The following GJC1 variants were observed in gnomAD, a reference collection of about 807,000 sequenced individuals.
GJC1 encodes gap junction gamma-1 protein.
In GJC1, 5 loss-of-function variants were observed where a neutral mutation model predicts 29.3. The ratio of observed to expected loss-of-function variants is 0.17; its 90% CI spans 0.09 to 0.36. GJC1 has a LOEUF of 0.36. Among genes scored for constraint, GJC1 ranks in the 10% least tolerant of loss-of-function variants. The pLI is 1.00. For synonymous variants in GJC1, 177 were observed against 183.3 expected, an observed-to-expected ratio of 0.97 and a Z score of 0.28; for missense variants, 310 against 496.2, an observed-to-expected ratio of 0.62 and a Z score of 3.56.
chr17:44,824,555 A>T (rs2050147840), intron 1 of GJC1, among the ~76,000 whole-genome samples: 1 of 152,030 alleles, frequency 6.6e-6, no homozygotes, highest in Non-Finnish European at 1.5e-5. Flanking sequence ...CTCTAGCCTC[A>T]GCCTCCGAAA....
chr17:44,830,284 A>G lies in GJC1; in HGVS notation c.-319T>C. 1 of 157,600 alleles carries G rather than the reference A, an allele frequency of 6.3e-6. No individual in the cohort carries two copies. The highest frequency in any genetic ancestry group is 1.4e-5 in the Non-Finnish European group (1 of 73,488). The allele number at this position is 157,600 out of a possible 1,614,324, so 9.8% of individuals were successfully genotyped here. A position where few individuals can be genotyped will look rare whatever the true frequency, so the allele number is the denominator to read the frequency against. On this transcript the variant is annotated 5_prime_UTR_variant, in exon 1 of 3. Transcript: ENST00000592524. The surrounding 1 kb of genome is among the most constrained non-coding windows in gnomAD (Gnocchi z 4.3). ...GCTCCCGCCGCCGCGACCCGCGGGA[A>G]GGCGCCTGCGCACTGCGCGCTGCGG... is the stretch of plus-strand genomic sequence containing the variant.
At chr17:44,828,318 C>T (rs1198118259) in intron 1 of GJC1, among the ~76,000 whole-genome samples, 1 of 152,170 alleles carries the variant, frequency 6.6e-6, no homozygotes, top group Non-Finnish European at 1.5e-5. Flanking sequence ...TTTAAGAGAA[C>T]TGTGGTAGAA....
downstream of GJC1, among the ~76,000 whole-genome samples, chr17:44,795,515 G>C (rs1416764293): frequency 6.6e-6 from 1 of 152,178 alleles, no homozygotes; most frequent in African/African-American, 2.4e-5. Context: ...TTACTGGCGC[G>C]AGCCACCCCT....
At chr17:44,827,375 T>G (rs1333370328) in intron 1 of GJC1, among the ~76,000 whole-genome samples, 1 of 152,140 alleles carries the variant, frequency 6.6e-6, no homozygotes, top group Non-Finnish European at 1.5e-5. Flanking sequence ...TGCTTTTTCT[T>G]TGCCTAAATT....
chr17:44,811,424 T>G (rs894016795), intron 1 of GJC1, among the ~76,000 whole-genome samples: 5 of 151,046 alleles, frequency 3.3e-5, no homozygotes, highest in African/African-American at 7.3e-5. Context: ...AGTCTCTCTT[T>G]GTTATCCAGG....
intron 1 of GJC1, among the ~76,000 whole-genome samples, chr17:44,823,609 C>T (rs1375853901): frequency 1.3e-5 from 2 of 151,954 alleles, no homozygotes; most frequent in African/African-American, 2.4e-5. Flanking sequence ...CATCATATTG[C>T]CCAGGTTGGT....
chr17:44,826,257 G>A (rs1397124254), intron 1 of GJC1, among the ~76,000 whole-genome samples: 3 of 152,156 alleles, frequency 2.0e-5, no homozygotes, highest in Non-Finnish European at 4.4e-5. Flanking sequence ...TGCTGGCCGG[G>A]CACGGTGGCT....
chr17:44,825,597 A>C (rs2050164531), intron 1 of GJC1, among the ~76,000 whole-genome samples: 1 of 151,872 alleles, frequency 6.6e-6, no homozygotes, highest in African/African-American at 2.4e-5. Flanking sequence ...CAACATGGTG[A>C]AACCCTTTCT....
chr17:44,805,843 A>C lies in GJC1; in HGVS notation c.-20-6T>G, dbSNP rs993641956. The C allele has an allele frequency of 1.2e-5, 15 of 1,287,720 alleles. No homozygotes were observed. In the Admixed American group the frequency reaches 2.7e-4, roughly 23 times the overall value. 79.8% of individuals were successfully genotyped at this position (1,287,720 alleles called of 1,614,324 possible). ...GGTGATTGAATTGGTATGCCCTGAT[A>C]AAAGTGGAAAAATACCAAAATAAAA... is the stretch of plus-strand genomic sequence containing the variant. On this transcript the variant is annotated splice_region_variant and splice_polypyrimidine_tract_variant and intron_variant, in intron 2 of 2. Transcript: ENST00000592524. The surrounding 1 kb of genome is among the most constrained non-coding windows in gnomAD (Gnocchi z 5.1).
chr17:44,830,225 G>A lies in GJC1; in HGVS notation c.-260C>T. 1 of 158,348 alleles carries A rather than the reference G, an allele frequency of 6.3e-6. No individual in the cohort carries two copies. The highest frequency in any genetic ancestry group is 1.3e-5 in the Non-Finnish European group (1 of 74,138). 9.8% of individuals were successfully genotyped at this position (158,348 alleles called of 1,614,324 possible). A position where few individuals can be genotyped will look rare whatever the true frequency, so the allele number is the denominator to read the frequency against. ...TCAGTCTCCAGCCGAGGCAGAAGCC[G>A]CTCCCGCCGCTGCCGCCGCCGCCGC... On this transcript the variant is annotated 5_prime_UTR_variant, in exon 1 of 3. Transcript: ENST00000592524. The surrounding 1 kb of genome is among the most constrained non-coding windows in gnomAD (Gnocchi z 4.3).
intron 1 of GJC1, among the ~76,000 whole-genome samples, chr17:44,810,534 G>A (rs972552104): frequency 6.6e-6 from 1 of 152,170 alleles, no homozygotes; most frequent in Non-Finnish European, 1.5e-5. Context: ...GAGCCACAGA[G>A]TATGGGTACT....
At chr17:44,813,252 G>C (rs2145329459) in intron 1 of GJC1, 1 of 151,624 alleles carries the variant, frequency 6.6e-6, no homozygotes, top group Admixed American at 6.6e-5. Context: ...TAGAGATGGG[G>C]TTTCGCCCCG....
At chr17:44,822,287 T>G (rs2050119371) in intron 1 of GJC1, among the ~76,000 whole-genome samples, 1 of 146,022 alleles carries the variant, frequency 6.8e-6, no homozygotes, top group African/African-American at 2.5e-5. Context: ...ATGGGGGGAA[T>G]AAGGAGGGAG....
At chr17:44,828,605 T>G (rs1325529978) in intron 1 of GJC1, among the ~76,000 whole-genome samples, 1 of 152,172 alleles carries the variant, frequency 6.6e-6, no homozygotes, top group Non-Finnish European at 1.5e-5. Flanking sequence ...CTTTTTACCT[T>G]CTACCCAGAA....
At position 44,823,161 on chromosome 17, in the gene GJC1, A is replaced by T. The variant is rs530615056; in HGVS notation, c.-97+6901T>A. 3.3e-5 allele frequency among the ~76,000 whole-genome samples: 5 copies of T among 152,198 alleles called. No homozygotes were observed. In the East Asian group the frequency reaches 5.8e-4, roughly 18 times the overall value. On this transcript the variant is annotated intron_variant, in intron 1 of 2. Transcript: ENST00000592524. ...TTGAATATAGTTTAGAGATTAGAGG[A>T]TAAGAATAGGGGTGTGTGAAGTTTA...
At chr17:44,824,290 G>T (rs1359946718) in intron 1 of GJC1, among the ~76,000 whole-genome samples, 1 of 152,086 alleles carries the variant, frequency 6.6e-6, no homozygotes, top group Non-Finnish European at 1.5e-5. Context: ...ACAGGTGTGA[G>T]CCACCGCACC....
intron 1 of GJC1, among the ~76,000 whole-genome samples, chr17:44,829,232 C>CA (rs952976155): frequency 1.5e-4 from 22 of 151,562 alleles, no homozygotes; most frequent in Admixed American, 9.9e-4. Context: ...CAGACAATCG[C>CA]AAAAAAAAGA....
intron 2 of GJC1, among the ~76,000 whole-genome samples, chr17:44,806,213 CA>C (rs1040417143): frequency 2.0e-5 from 3 of 149,908 alleles, no homozygotes; most frequent in Non-Finnish European, 3.0e-5. Flanking sequence ...GACTCCATCT[CA>C]AAAAAAAAGA....
intron 1 of GJC1, among the ~76,000 whole-genome samples, chr17:44,817,035 A>AT (rs2050051856): frequency 6.8e-6 from 1 of 147,988 alleles, no homozygotes; most frequent in Non-Finnish European, 1.5e-5. Flanking sequence ...AGATGGAGAA[A>AT]CCTGCCTCTA....
Sources: gnomAD v4.1 joint callset for allele counts (sites outside exome capture counted in the v4.1 genomes callset) on GRCh38, gnomAD v4.1.1 for gene constraint, Gnocchi (gnomAD v3.1) non-coding constraint, MANE v1.5 for transcripts, NCBI Gene and HGNC (gene_info 2026-07-23, HGNC 2026-07-21) for gene names.